The following ADCY3 variants were observed in gnomAD, a reference collection of about 807,000 sequenced individuals.
ADCY3 encodes the protein adenylate cyclase type 3.
ADCY3 carries 70 observed loss-of-function variants against 119.4 expected under a neutral mutation model. That is an observed-to-expected ratio of 0.59 (90% CI 0.48 to 0.72). ADCY3 has a LOEUF of 0.72. Ranked by LOEUF, ADCY3 falls within the 30% of genes least tolerant of loss-of-function variation. The pLI, the probability that ADCY3 is intolerant of heterozygous loss-of-function variation, is 0.00. For synonymous variants in ADCY3, 672 were observed against 621.4 expected (o/e 1.08, Z -1.21); for missense variants, 1,238 against 1,541.6 (o/e 0.80, Z 3.30).
intron 19 of ADCY3, 145 bp from the exon 20 acceptor site, chr2:24,821,785 GC>G: frequency 1.6e-6 from 2 of 1,223,496 alleles, no homozygotes; most frequent in Non-Finnish European, 2.3e-6. Flanking sequence ...AGGAGTCGCA[GC>G]CACGCTAGCT....
Position 24,834,391 on chromosome 2 carries a change from A to C in ADCY3, c.1967+94T>G. The C allele has an allele frequency of 2.5e-5, 35 of 1,410,946 alleles. No individual in the cohort carries two copies. Among genetic ancestry groups the C allele is most frequent in the Admixed American group, 1.7e-4 (8 of 46,932 alleles). 87.4% of individuals were successfully genotyped at this position (1,410,946 alleles called of 1,614,324 possible). On this transcript the variant is annotated intron_variant, in intron 11 of 21. Coordinates refer to ENST00000679454, the MANE Select transcript of ADCY3 (RefSeq NM_004036.5). The surrounding 1 kb of genome is among the most constrained non-coding windows in gnomAD (Gnocchi z 4.2). ...GGGAGCAGAGACTGGCTTGCTCCCCAATGTCAGGCTCCCGCTGAGACACCT... is the reference window on the plus strand; with the variant it reads ...GGGAGCAGAGACTGGCTTGCTCCCCCATGTCAGGCTCCCGCTGAGACACCT...
At chr2:24,825,336 G>GCGA (rs1456084558) in intron 16 of ADCY3, among the ~76,000 whole-genome samples, 1 of 11,794 alleles carries the variant, frequency 8.5e-5, no homozygotes, top group African/African-American at 1.8e-4. Flanking sequence ...GGTTGTGGCG[G>GCGA]GGGGGGGGGG....
intron 19 of ADCY3, 105 bp from the exon 20 acceptor site, chr2:24,821,745 A>G (rs1028725471): frequency 1.3e-6 from 2 of 1,496,290 alleles, no homozygotes; most frequent in African/African-American, 2.8e-5. Context: ...CTACACCTAG[A>G]TGTTCAAGGC....
In ADCY3 at chr2:24,828,141, G is replaced by A. The variant is rs1319081832; in HGVS notation, c.2193C>T (p.Tyr731=). 6.2e-7 allele frequency: 1 copy of A among 1,613,932 alleles called. No homozygotes were observed. Among genetic ancestry groups the A allele is most frequent in the Non-Finnish European group, 8.5e-7 (1 of 1,180,036 alleles). ...CTGCCGTTGCATTGCTGGGTCCCGT[G>A]TAGTACTGGAGACAGCTGAGCTGGA... ...VVDMLSCLQY[Y]TGPSNATAGM... is the part of the protein sequence containing the mutation. The change falls in exon 14 of 22, where the codon TAC becomes TAT. Residue 731 remains tyrosine (Y), a synonymous_variant. Transcript: ENST00000679454.
intron 2 of ADCY3, among the ~76,000 whole-genome samples, chr2:24,886,957 C>T (rs1010199869): frequency 6.6e-6 from 1 of 152,266 alleles, no homozygotes; most frequent in African/African-American, 2.4e-5. Context: ...ACAAGTGACA[C>T]CCCGTGGCTC....
chr2:24,887,860 A>G (rs1324587907), intron 2 of ADCY3, among the ~76,000 whole-genome samples: 1 of 152,240 alleles, frequency 6.6e-6, no homozygotes, highest in African/African-American at 2.4e-5. Context: ...TAAAGAGCCC[A>G]GCATCAGACT....
intron 2 of ADCY3, among the ~76,000 whole-genome samples, chr2:24,886,433 A>G (rs6545790): frequency 0.53 from 79,929 of 151,876 alleles, 23,274 homozygotes; most frequent in African/African-American, 0.79. Context: ...GCGCTACATC[A>G]TGTTTAGCAA....
chr2:24,823,672 A>T (rs970827337), intron 17 of ADCY3, among the ~76,000 whole-genome samples: 1 of 147,586 alleles, frequency 6.8e-6, no homozygotes, highest in African/African-American at 2.5e-5. Context: ...TGAATAATTT[A>T]AAAATAGCTC....
At chr2:24,846,207 T>C (rs1412945021) in intron 3 of ADCY3, among the ~76,000 whole-genome samples, 1 of 152,184 alleles carries the variant, frequency 6.6e-6, no homozygotes, top group African/African-American at 2.4e-5. Flanking sequence ...AGAGGGCCAC[T>C]GTCCTCCAGA....
chr2:24,886,458 C>T (rs59025641), intron 2 of ADCY3, among the ~76,000 whole-genome samples: 1 of 152,186 alleles, frequency 6.6e-6, no homozygotes, highest in East Asian at 1.9e-4. Context: ...GCCTCACCTC[C>T]ACCCGGACCT....
rs1239790408 is a variant in ADCY3, at chr2:24,899,477, C to A, written c.675+18836G>T. On this transcript the variant is annotated intron_variant, in intron 2 of 21. Coordinates refer to ENST00000679454, the MANE Select transcript of ADCY3 (RefSeq NM_004036.5). The surrounding 1 kb of genome is among the most constrained non-coding windows in gnomAD (Gnocchi z 4.5). ...GCAAAACTGTCCCTGGATTTCCTGC[C>A]CAGTAGGCCCTTGAAAGATGCCTTC... Among the ~76,000 whole-genome samples the A allele has an allele frequency of 6.6e-6, 1 of 152,198 alleles. No homozygotes were observed. The highest frequency in any genetic ancestry group is 1.5e-5 in the Non-Finnish European group (1 of 68,036).
At chr2:24,820,331 C>T (rs892865983) in intron 21 of ADCY3, 17 of 1,332,444 alleles carry the variant, frequency 1.3e-5, no homozygotes, top group Non-Finnish European at 1.6e-5. Flanking sequence ...TCCTCTCATC[C>T]AGAGACTTCT....
intron 2 of ADCY3, among the ~76,000 whole-genome samples, chr2:24,906,992 G>T (rs189004671): frequency 1.3e-5 from 2 of 152,238 alleles, no homozygotes; most frequent in East Asian, 3.9e-4. Flanking sequence ...TTAGCCAGGC[G>T]TGGTGGCACG....
intron 12 of ADCY3, among the ~76,000 whole-genome samples, chr2:24,831,401 C>T (rs907759494): frequency 6.6e-6 from 1 of 152,198 alleles, no homozygotes; most frequent in African/African-American, 2.4e-5. Flanking sequence ...CGTACTCATA[C>T]GTGCTGCAGC....
rs1264795269 is a variant in ADCY3 at position 24,828,029 on chromosome 2, C to G, written c.2305G>C (p.Val769Leu). The G allele has an allele frequency of 6.2e-7, 1 of 1,614,102 alleles. No individual in the cohort carries two copies. The highest frequency in any genetic ancestry group is 8.5e-7 in the Non-Finnish European group (1 of 1,180,038). ...VLSLIATIMLVQVSHMVKLTL... is the reference protein window; with the variant it reads ...VLSLIATIMLLQVSHMVKLTL... Reference sequence around the variant, plus strand: ...AGCTTCACCATGTGGCTGACCTGCACCAGCATGATGGTGGCGATGAGGGAC... The same window carrying G: ...AGCTTCACCATGTGGCTGACCTGCAGCAGCATGATGGTGGCGATGAGGGAC... Residue 769 changes from valine (V) to leucine (L), a missense_variant, in exon 14 of 22, where the codon GTG becomes CTG. Physicochemically the swap from Val to Leu is conservative, Grantham distance 32. This residue lies in a region of ADCY3 where 499 missense variants were observed against 571.0 expected (regional missense o/e 0.87). Transcript: ENST00000679454.
intron 2 of ADCY3, among the ~76,000 whole-genome samples, chr2:24,893,099 T>C (rs1319639690): frequency 1.4e-5 from 2 of 146,412 alleles, no homozygotes; most frequent in Admixed American, 1.4e-4. Flanking sequence ...AGTTGTGCAA[T>C]CACAGCTCAC....
chr2:24,846,903 A>G (rs972983794), intron 3 of ADCY3, among the ~76,000 whole-genome samples: 1 of 152,210 alleles, frequency 6.6e-6, no homozygotes, highest in Non-Finnish European at 1.5e-5. Context: ...TTACAGGCTC[A>G]TAGGCAGAAG....
At position 24,838,418 on chromosome 2, in the gene ADCY3, GTGGGTGGGGT is replaced by G. The variant is rs1670569600; in HGVS notation, c.1533+17_1533+26del. 1.3e-6 allele frequency: 2 copies of G among 1,525,516 alleles called. No individual in the cohort carries two copies. The highest frequency in any genetic ancestry group is 3.8e-5 in the African/African-American group (2 of 53,258). 94.5% of individuals were successfully genotyped at this position (1,525,516 alleles called of 1,614,324 possible). ...CTAATCCAGGGGTGGGGTGGGTGGGGTGGGTGGGGTGGGGTGGGGAACTCACCGAGCCATT... is the reference window on the plus strand; with the variant it reads ...CTAATCCAGGGGTGGGGTGGGTGGGGGGGGTGGGGAACTCACCGAGCCATT... On this transcript the variant is annotated intron_variant, in intron 8 of 21. Transcript: ENST00000679454.
intron 2 of ADCY3, among the ~76,000 whole-genome samples, chr2:24,887,058 G>C (rs987975873): frequency 6.6e-6 from 1 of 152,160 alleles, no homozygotes; most frequent in Non-Finnish European, 1.5e-5. Context: ...CTGTGACCGG[G>C]CAATTTATAA....
Sources: gnomAD v4.1 joint callset for allele counts (sites outside exome capture counted in the v4.1 genomes callset) on GRCh38, gnomAD v4.1.1 for gene constraint, gnomAD v4.1.1 regional missense constraint, Gnocchi (gnomAD v3.1) non-coding constraint, MANE v1.5 for transcripts, NCBI Gene and HGNC (gene_info 2026-07-23, HGNC 2026-07-21) for gene names.